Variants in TRIM33 observed in about 807,000 individuals in gnomAD.
The protein encoded by TRIM33 is tripartite motif containing 33.
Under a neutral mutation model 125.4 loss-of-function variants are expected in TRIM33, and 20 were observed. The ratio of observed to expected loss-of-function variants is 0.16; its 90% confidence interval spans 0.11 to 0.23. The LOEUF (loss-of-function observed/expected upper bound fraction) is 0.23, where lower values mean the gene tolerates loss of function less well. Ranked by LOEUF, TRIM33 falls within the 10% of genes least tolerant of loss-of-function variation. The probability of loss-of-function intolerance (pLI) is 1.00; values close to 1 mark genes in which losing one functional copy is unlikely to be tolerated. For missense variants in TRIM33, 920 were observed against 1,411.4 expected (o/e 0.65, Z 5.58); for synonymous variants, 564 against 513.9 (o/e 1.10, Z -1.32).
chr1:114,424,952 C>G (rs1647462306), intron 9 of TRIM33, among the ~76,000 whole-genome samples, 197 bp from the exon 10 acceptor site: 1 of 137,842 alleles, frequency 7.3e-6, no homozygotes, highest in African/African-American at 2.8e-5. Flanking sequence ...TTTCCCTTGT[C>G]TCTCTCTCTC....
At chr1:114,407,993 T>A (rs954811093) in intron 13 of TRIM33, among the ~76,000 whole-genome samples, 3 of 152,170 alleles carry the variant, frequency 2.0e-5, no homozygotes, top group African/African-American at 4.8e-5. Flanking sequence ...TATTAACGGT[T>A]GCCATCACAA....
At chr1:114,407,464 A>C (rs1342734296) in intron 13 of TRIM33, among the ~76,000 whole-genome samples, 1 of 152,156 alleles carries the variant, frequency 6.6e-6, no homozygotes, top group Non-Finnish European at 1.5e-5. Flanking sequence ...TATTATCCTC[A>C]AACACTATTT....
intron 1 of TRIM33, among the ~76,000 whole-genome samples, chr1:114,495,284 C>G (rs773216611): frequency 6.6e-6 from 1 of 152,162 alleles, no homozygotes; most frequent in Non-Finnish European, 1.5e-5. Flanking sequence ...ATACTAGTTA[C>G]TTTCCTAGTT....
Position 114,422,600 on chromosome 1 carries a change from C to T in TRIM33, c.1861-964G>A, listed in dbSNP as rs117165248. On this transcript the variant is annotated intron_variant, in intron 10 of 19. Transcript: ENST00000358465. ...CTCCATCCTTGACAAAAGAACACTA[C>T]ACCTTTGACCATTCCTAAATCTTAT... Among the ~76,000 whole-genome samples the T allele has an allele frequency of 3.6e-4, 54 of 151,846 alleles. No individual in the cohort carries two copies. In the East Asian group the frequency reaches 9.7e-3, roughly 27 times the overall value.
chr1:114,453,060 G>A (rs76669624), intron 4 of TRIM33, among the ~76,000 whole-genome samples: 1 of 152,060 alleles, frequency 6.6e-6, no homozygotes, highest in Non-Finnish European at 1.5e-5. Context: ...AGCAGAAAGC[G>A]TTAGTTAAGA....
chr1:114,460,661 A>ACCTGAT (rs1476324531), intron 4 of TRIM33, among the ~76,000 whole-genome samples: 4 of 146,802 alleles, frequency 2.7e-5, no homozygotes, highest in Non-Finnish European at 3.0e-5. Context: ...ACCTGAGGTA[A>ACCTGAT]CCTGATGTTA....
chr1:114,475,989 G>C (rs1264563461), intron 1 of TRIM33, among the ~76,000 whole-genome samples: 2 of 151,890 alleles, frequency 1.3e-5, no homozygotes, highest in Non-Finnish European at 2.9e-5. Context: ...GACAGAGAAA[G>C]GCTCTGTCTC....
At chr1:114,484,014 A>G (rs1445682762) in intron 1 of TRIM33, among the ~76,000 whole-genome samples, 1 of 152,210 alleles carries the variant, frequency 6.6e-6, no homozygotes, top group African/African-American at 2.4e-5. Context: ...TCAAGTTTAG[A>G]GACAGTAAAT....
At position 114,427,856 on chromosome 1, in the gene TRIM33, C is replaced by T. The variant is rs1051604156; in HGVS notation, c.1194G>A (p.Gln398=). 3.7e-6 allele frequency: 6 copies of T among 1,613,986 alleles called. No homozygotes were observed. The highest frequency in any genetic ancestry group is 5.1e-6 in the Non-Finnish European group (6 of 1,179,986). The change falls in exon 7 of 20, where the codon CAG becomes CAA. Residue 398 remains glutamine (Q), a synonymous_variant. Transcript: ENST00000358465. ...TKERQMKLLQ[Q]QNDITGLSRQ... ...GGGAAAGGCCTGTGATGTCATTCTG[C>T]TGCTGTAGTAACTTCATCTGTCTTT...
At chr1:114,418,547 T>C (rs1488729168) in intron 11 of TRIM33, among the ~76,000 whole-genome samples, 1 of 152,118 alleles carries the variant, frequency 6.6e-6, no homozygotes, top group African/African-American at 2.4e-5. Context: ...TTTGTAAAGT[T>C]AAAAAGAGAC....
chr1:114,395,272 G>T lies in TRIM33; in HGVS notation c.*2376C>A, dbSNP rs1651483667. 4.9e-6 allele frequency: 1 copy of T among 204,360 alleles called. No homozygotes were observed. The highest frequency in any genetic ancestry group is 6.0e-5 in the Admixed American group (1 of 16,772). The allele number at this position is 204,360 out of a possible 1,614,324, so 12.7% of individuals were successfully genotyped here. A position where few individuals can be genotyped will look rare whatever the true frequency, so the allele number is the denominator to read the frequency against. ...ATACATTATCTTAACAGAAGTGGAG[G>T]CTATTAAATGTTGACAAAAAAGTGG... is the stretch of plus-strand genomic sequence containing the variant. On this transcript the variant is annotated 3_prime_UTR_variant, in exon 20 of 20. Transcript: ENST00000358465.
Position 114,510,848 on chromosome 1 carries a change from C to A in TRIM33, c.229G>T (p.Ala77Ser). The A allele has an allele frequency of 6.7e-7, 1 of 1,492,424 alleles. No homozygotes were observed. The highest frequency in any genetic ancestry group is 8.9e-7 in the Non-Finnish European group (1 of 1,128,430). 92.4% of individuals were successfully genotyped at this position (1,492,424 alleles called of 1,614,324 possible). A position where few individuals can be genotyped will look rare whatever the true frequency, so the allele number is the denominator to read the frequency against. The change falls in exon 1 of 20, where the codon GCT (alanine) becomes TCT (serine). Residue 77 changes from alanine (A) to serine (S), a missense_variant. By Grantham distance (99) the Ala-to-Ser change is moderately conservative. Coordinates refer to ENST00000358465, the MANE Select transcript of TRIM33 (RefSeq NM_015906.4). ...VAAASSGSAQ[A>S]ASSPAASVGT... ...ACTGAGGCCGCAGGAGATGAAGCAGCCTGGGCCGAGCCCGAGGAGGCCGCG... is the reference window on the plus strand; with the variant it reads ...ACTGAGGCCGCAGGAGATGAAGCAGACTGGGCCGAGCCCGAGGAGGCCGCG...
At chr1:114,500,398 G>A (rs1225972041) in intron 1 of TRIM33, among the ~76,000 whole-genome samples, 4 of 151,960 alleles carry the variant, frequency 2.6e-5, no homozygotes, top group Non-Finnish European at 4.4e-5. Context: ...CTATTCCCAA[G>A]TGCAATCATA....
rs1651439374 is a variant in TRIM33, at chr1:114,394,468, T to C, written c.*3180A>G. 4.6e-6 allele frequency: 1 copy of C among 216,456 alleles called. No individual in the cohort carries two copies. Among genetic ancestry groups the C allele is most frequent in the African/African-American group, 2.3e-5 (1 of 44,418 alleles). The allele number at this position is 216,456 out of a possible 1,614,324, so 13.4% of individuals were successfully genotyped here. ...GATACCTGCTGAGGTAATTGATAAATCTACAATTTGCACACTTATAAACCT... is the reference window on the plus strand; with the variant it reads ...GATACCTGCTGAGGTAATTGATAAACCTACAATTTGCACACTTATAAACCT... On this transcript the variant is annotated 3_prime_UTR_variant, in exon 20 of 20. Transcript: ENST00000358465.
intron 1 of TRIM33, among the ~76,000 whole-genome samples, chr1:114,482,656 A>G (rs1651431786): frequency 6.6e-6 from 1 of 152,192 alleles, no homozygotes. Context: ...CCAATGTTGG[A>G]GGAGGGCCCC....
rs1651369089 is a variant in TRIM33 at position 114,393,148 on chromosome 1, C to A, written c.*4500G>T. 1 of 213,906 alleles carries A rather than the reference C, an allele frequency of 4.7e-6. No homozygotes were observed. Among genetic ancestry groups the A allele is most frequent in the African/African-American group, 2.3e-5 (1 of 44,202 alleles). The allele number at this position is 213,906 out of a possible 1,614,324, so 13.3% of individuals were successfully genotyped here. ...TAATAATAATAATGAGGGGAGGAGA[C>A]CAATTGAAATACTGGAAGCAAGGAA... On this transcript the variant is annotated 3_prime_UTR_variant, in exon 20 of 20. Coordinates refer to ENST00000358465, the MANE Select transcript of TRIM33 (RefSeq NM_015906.4).
At chr1:114,497,158 T>G (rs12758518) in intron 1 of TRIM33, among the ~76,000 whole-genome samples, 1 of 152,264 alleles carries the variant, frequency 6.6e-6, no homozygotes, top group Non-Finnish European at 1.5e-5. Flanking sequence ...CAATTTGTAA[T>G]GTACCAAAAA....
intron 1 of TRIM33, among the ~76,000 whole-genome samples, chr1:114,475,166 G>C (rs1650903089): frequency 6.6e-6 from 1 of 152,264 alleles, no homozygotes; most frequent in East Asian, 1.9e-4. Flanking sequence ...CTCACTACCT[G>C]TGGGACAATT....
At position 114,510,883 on chromosome 1, in the gene TRIM33, C is replaced by T. The variant is rs956535181; in HGVS notation, c.194G>A (p.Gly65Glu). 2.8e-6 allele frequency: 4 copies of T among 1,450,792 alleles called. No homozygotes were observed. The highest frequency in any genetic ancestry group is 3.0e-5 in the African/African-American group (2 of 67,378). The allele number at this position is 1,450,792 out of a possible 1,614,324, so 89.9% of individuals were successfully genotyped here. Residue 65 changes from glycine to glutamate, a missense_variant, in exon 1 of 20, where the codon GGG (glycine) becomes GAG (glutamate). Transcript: ENST00000358465. The part of the protein sequence containing the change: ...AEGGAAGPDD[G>E]GVAAASSGSA... ...GCCCGAGGAGGCCGCGGCCACCCCC[C>T]CGTCGTCGGGCCCGGCCGCGCCGCC...
Sources: allele counts gnomAD v4.1 joint callset (sites outside exome capture counted in the v4.1 genomes callset), GRCh38; gene constraint gnomAD v4.1.1; transcripts MANE v1.5; gene names NCBI Gene and HGNC (gene_info 2026-07-23, HGNC 2026-07-21).